CNBD1: variants seen among roughly 807,000 people sequenced by gnomAD.
The protein encoded by CNBD1 is cyclic nucleotide binding domain containing 1, also known as cyclic nucleotide-binding domain-containing protein 1.
Under a neutral mutation model 54.4 loss-of-function variants are expected in CNBD1, and 71 were observed. That is an observed-to-expected ratio of 1.30 (90% CI 1.08 to 1.59). The LOEUF is 1.59. Among genes scored for constraint, CNBD1 ranks in the 40% most tolerant of loss-of-function variants. The pLI is 0.00. For synonymous variants in CNBD1, 182 were observed against 170.7 expected, an observed-to-expected ratio of 1.07 and a Z score of -0.51; for missense variants, 659 against 518.0, an observed-to-expected ratio of 1.27 and a Z score of -2.64.
At chr8:87,157,465 C>T (rs1586296189) in intron 4 of CNBD1, among the ~76,000 whole-genome samples, 1 of 152,170 alleles carries the variant, frequency 6.6e-6, no homozygotes, top group Non-Finnish European at 1.5e-5. Flanking sequence ...ATATATAGTA[C>T]CTCACGCATT....
At chr8:87,418,950 T>C (rs931680877) in intron 2 of CNBD1, among the ~76,000 whole-genome samples, 1 of 151,940 alleles carries the variant, frequency 6.6e-6, no homozygotes, top group East Asian at 1.9e-4. Context: ...TCCACTTCTA[T>C]GTATACACTA....
chr8:87,361,241 C>A (rs1183163789), intron 10 of CNBD1, among the ~76,000 whole-genome samples: 2 of 151,842 alleles, frequency 1.3e-5, no homozygotes, highest in South Asian at 4.1e-4. Context: ...CTTACTAATA[C>A]ATGTTAAATT....
rs532022491 is a variant in CNBD1, at chr8:87,094,190, G to T, written c.432-111803G>T. Among the ~76,000 whole-genome samples the T allele has an allele frequency of 3.4e-4, 51 of 152,132 alleles. 1 individual carries two copies. The South Asian group carries it at 6.4e-3, about 19-fold the overall frequency. ...CAAACAGACTAAAGGCTTAGGTTGC[G>T]CACAACGCTCACTTTATCACTTTTT... On this transcript the variant is annotated intron_variant, in intron 4 of 10. Transcript: ENST00000518476.
intron 4 of CNBD1, among the ~76,000 whole-genome samples, chr8:87,099,912 T>C (rs1811394659): frequency 6.6e-6 from 1 of 152,150 alleles, no homozygotes; most frequent in Non-Finnish European, 1.5e-5. Flanking sequence ...TCATTCTGTG[T>C]CCGTATGCTT....
intron 2 of CNBD1, among the ~76,000 whole-genome samples, chr8:87,397,684 G>A (rs994118163): frequency 1.3e-5 from 2 of 151,838 alleles, no homozygotes; most frequent in African/African-American, 2.4e-5. Flanking sequence ...CTTTAATTTT[G>A]CTGTTATCAC....
chr8:87,259,177 G>A (rs1335381945), intron 6 of CNBD1, among the ~76,000 whole-genome samples: 2 of 152,000 alleles, frequency 1.3e-5, no homozygotes, highest in Admixed American at 6.6e-5. Flanking sequence ...GGCTATCTAC[G>A]ACATCCTTGG....
At chr8:87,363,107 G>C (rs1434111290) in intron 10 of CNBD1, among the ~76,000 whole-genome samples, 3 of 151,990 alleles carry the variant, frequency 2.0e-5, no homozygotes, top group Admixed American at 2.0e-4. Flanking sequence ...TGAAGTGTTT[G>C]GTTTTCTGTT....
chr8:87,147,376 A>G (rs1563486751), intron 4 of CNBD1, among the ~76,000 whole-genome samples: 1 of 152,214 alleles, frequency 6.6e-6, no homozygotes, highest in African/African-American at 2.4e-5. Context: ...CTCATTAAAT[A>G]TCTCTTGTAT....
rs558896660 is a variant in CNBD1 at position 87,327,384 on chromosome 8, T to C, written c.1043-24301T>C. Among the ~76,000 whole-genome samples, 147 of 151,642 alleles carry C rather than the reference T, an allele frequency of 9.7e-4. 1 individual carries two copies. Among genetic ancestry groups the C allele is most frequent in the African/African-American group, 2.5e-3 (105 of 41,296 alleles). ...TTACCTAAGCAAGCCTGGGCAATGG[T>C]GGGCGCCCCTCCCCCACCCTCGCTG... is the stretch of plus-strand genomic sequence containing the variant. On this transcript the variant is annotated intron_variant, in intron 8 of 10. Coordinates refer to ENST00000518476, the MANE Select transcript of CNBD1 (RefSeq NM_173538.3).
intron 4 of CNBD1, among the ~76,000 whole-genome samples, chr8:87,008,123 C>T (rs1809139993): frequency 1.3e-5 from 2 of 152,076 alleles, no homozygotes; most frequent in African/African-American, 4.8e-5. Flanking sequence ...TTTCTCTTAC[C>T]AAATACTGGT....
intron 2 of CNBD1, among the ~76,000 whole-genome samples, chr8:86,894,200 T>C (rs1808816201): frequency 6.7e-6 from 1 of 149,548 alleles, no homozygotes; most frequent in African/African-American, 2.4e-5. Context: ...TAGCTGGGAC[T>C]ACAGGCGCCC....
chr8:87,295,825 A>G (rs987554593), intron 8 of CNBD1, among the ~76,000 whole-genome samples: 1 of 152,146 alleles, frequency 6.6e-6, no homozygotes, highest in Non-Finnish European at 1.5e-5. Flanking sequence ...ATATATAAAA[A>G]TAAATTTGAA....
chr8:87,137,642 G>C (rs1009236879), intron 4 of CNBD1, among the ~76,000 whole-genome samples: 2 of 152,076 alleles, frequency 1.3e-5, no homozygotes, highest in African/African-American at 4.8e-5. Flanking sequence ...GTGCCACCTT[G>C]TCTCGTTAAA....
chr8:87,392,126 T>C lies in CNBD1; in HGVS notation c.214-36420T>C, dbSNP rs115873034. On this transcript the variant is annotated intron_variant, in intron 2 of 7. Coordinates refer to the CNBD1 transcript ENST00000521593. ...GAGATAAGATTTCATACCTACTATT[T>C]TGAAAAATTATAAAATATAGACAAT... Among the ~76,000 whole-genome samples the C allele has an allele frequency of 3.9e-5, 6 of 152,122 alleles. No individual in the cohort carries two copies. The South Asian group carries it at 1.2e-3, about 32-fold the overall frequency.
At chr8:87,146,094 T>G (rs1563486399) in intron 4 of CNBD1, among the ~76,000 whole-genome samples, 1 of 152,178 alleles carries the variant, frequency 6.6e-6, no homozygotes, top group African/African-American at 2.4e-5. Context: ...AAATGGTGTT[T>G]AGATTCTACG....
At chr8:87,334,033 C>A (rs1322302609) in intron 8 of CNBD1, among the ~76,000 whole-genome samples, 1 of 152,012 alleles carries the variant, frequency 6.6e-6, no homozygotes, top group African/African-American at 2.4e-5. Flanking sequence ...GGTCGGTAGG[C>A]TGTTTATTAC....
At chr8:86,949,741 A>G (rs1807556974) in intron 4 of CNBD1, among the ~76,000 whole-genome samples, 1 of 151,734 alleles carries the variant, frequency 6.6e-6, no homozygotes, top group Non-Finnish European at 1.5e-5. Flanking sequence ...TCTTGCTAGG[A>G]CTTCCAGTAC....
chr8:87,084,107 A>G (rs906964360), intron 4 of CNBD1, among the ~76,000 whole-genome samples: 13 of 152,202 alleles, frequency 8.5e-5, no homozygotes, highest in African/African-American at 2.7e-4. Context: ...TTACAACAGT[A>G]TATTTCCACT....
chr8:87,398,130 C>A (rs1358709107), intron 2 of CNBD1, among the ~76,000 whole-genome samples: 2 of 147,196 alleles, frequency 1.4e-5, no homozygotes, highest in South Asian at 4.2e-4. Flanking sequence ...ATAATATGGC[C>A]TGGATTATAC....
Sources: allele counts gnomAD v4.1 joint callset (sites outside exome capture counted in the v4.1 genomes callset), GRCh38; gene constraint gnomAD v4.1.1; transcripts MANE v1.5; gene names NCBI Gene and HGNC (gene_info 2026-07-23, HGNC 2026-07-21).